DST: variants seen among roughly 807,000 people sequenced by gnomAD.
DST encodes the protein dystonin, also known as bullous pemphigoid antigen.
DST carries 253 observed loss-of-function variants against 875.2 expected under a neutral mutation model. The ratio of observed to expected loss-of-function variants is 0.29; its 90% CI spans 0.26 to 0.32. The LOEUF is 0.32. Among genes scored for constraint, DST ranks in the 10% least tolerant of loss-of-function variants. The pLI, the probability that DST is intolerant of heterozygous loss-of-function variation, is 1.00. For missense variants in DST, 8,287 were observed against 9,111.6 expected, an observed-to-expected ratio of 0.91 and a Z score of 3.68; for synonymous variants, 3,124 against 3,197.1, an observed-to-expected ratio of 0.98 and a Z score of 0.77.
intron 4 of DST, among the ~76,000 whole-genome samples, chr6:56,747,874 C>T (rs1455873397): frequency 1.3e-5 from 2 of 152,054 alleles, no homozygotes; most frequent in African/African-American, 4.8e-5. Flanking sequence ...TTTATAATCA[C>T]TACATATATG....
chr6:56,652,101 G>GC (rs1310970808), intron 10 of DST, among the ~76,000 whole-genome samples: 1 of 152,056 alleles, frequency 6.6e-6, no homozygotes, highest in Non-Finnish European at 1.5e-5. Context: ...GTGTGCATGT[G>GC]CCCCCCTACA....
At chr6:56,622,569 CAAAAAAAA>C (rs61514901) in intron 36 of DST, among the ~76,000 whole-genome samples, 2 of 65,730 alleles carry the variant, frequency 3.0e-5, no homozygotes, top group Admixed American at 2.1e-4. Context: ...AGATCCGTCT[CAAAAAAAA>C]AAAAAAAAAA....
Position 56,632,920 on chromosome 6 carries a change from G to C in DST, c.3739C>G (p.Gln1247Glu), listed in dbSNP as rs1312036954. Residue 1247 changes from glutamine (Q) to glutamate (E), a missense_variant, in exon 28 of 104, where the codon CAA becomes GAA. Physicochemically the swap from Gln to Glu is conservative, Grantham distance 29. This residue lies in a region of DST where 3,138 missense variants were observed against 3,116.6 expected (regional missense o/e 1.01). Transcript: ENST00000680361. Reference protein sequence around the residue: ...SQVFSGSDITQLEKEVNVCKQ... With the variant: ...SQVFSGSDITELEKEVNVCKQ... Reference sequence around the variant, plus strand: ...CATACATTAACCTCCTTTTCCAGTTGTGTTATATCTGAGCCTGAAAAGACT... The same window carrying C: ...CATACATTAACCTCCTTTTCCAGTTCTGTTATATCTGAGCCTGAAAAGACT... The C allele has an allele frequency of 6.2e-7, 1 of 1,613,840 alleles. No individual in the cohort carries two copies. Among genetic ancestry groups the C allele is most frequent in the South Asian group, 1.1e-5 (1 of 91,078 alleles).
At position 56,460,360 on chromosome 6, in the gene DST, T is replaced by C. The variant is rs927122240; in HGVS notation, c.23071-106A>G. ...GGGTGGAAACTCTCTACTATTCCTC[T>C]TTAGGAGGTGAAGGGGGAGAAACTC... On this transcript the variant is annotated intron_variant, in intron 102 of 103. Coordinates refer to ENST00000680361, the MANE Select transcript of DST (RefSeq NM_001374736.1). 14 of 1,209,622 alleles carry C rather than the reference T, an allele frequency of 1.2e-5. No homozygotes were observed. The Admixed American group carries it at 2.6e-4, about 23-fold the overall frequency. 74.9% of individuals were successfully genotyped at this position (1,209,622 alleles called of 1,614,324 possible).
At chr6:56,918,593 A>G (rs1409746392) in intron 2 of DST, among the ~76,000 whole-genome samples, 2 of 152,228 alleles carry the variant, frequency 1.3e-5, no homozygotes, top group Admixed American at 6.5e-5. Flanking sequence ...AGTCCGTAGG[A>G]AAAAGTTTGA....
intron 4 of DST, among the ~76,000 whole-genome samples, chr6:56,848,756 C>T (rs1763360798): frequency 5.9e-5 from 9 of 152,124 alleles, no homozygotes; most frequent in Admixed American, 5.9e-4. Context: ...AATCATAGGC[C>T]AGGTGTGGTG....
At position 56,943,414 on chromosome 6, in the gene DST, T is replaced by C. The variant is rs1226670598; in HGVS notation, c.216+10371A>G. 2.6e-5 allele frequency among the ~76,000 whole-genome samples: 4 copies of C among 151,144 alleles called. No homozygotes were observed. In the South Asian group the frequency reaches 6.2e-4, roughly 24 times the overall value. On this transcript the variant is annotated intron_variant, in intron 2 of 103. Transcript: ENST00000680361. The stretch of plus-strand genomic sequence containing the variant: ...AAAAGTCAGGGATATTTTCAACTCA[T>C]TTTCTTTTTCTTTTTCTTTTTTTTT...
intron 4 of DST, among the ~76,000 whole-genome samples, chr6:56,836,567 G>C (rs1446551870): frequency 6.6e-6 from 1 of 152,062 alleles, no homozygotes; most frequent in African/African-American, 2.4e-5. Context: ...AATAAACAAA[G>C]GGGCCGGGCG....
intron 4 of DST, among the ~76,000 whole-genome samples, chr6:56,847,272 A>T (rs1400902566): frequency 6.6e-6 from 1 of 152,240 alleles, no homozygotes; most frequent in African/African-American, 2.4e-5. Flanking sequence ...GTGAGCTGTG[A>T]TCATGCTAGT....
chr6:56,466,160 G>C lies in DST; in HGVS notation c.22605C>G (p.Ile7535Met), dbSNP rs1252399682. ...GDSQQLRLVR[I>M]LRSTVMVRVG... Reference sequence around the variant, plus strand: ...CACGAACCATCACAGTACTCCGCAGGATCCGGACCAGTCGCAGTTGCTGGG... The same window carrying C: ...CACGAACCATCACAGTACTCCGCAGCATCCGGACCAGTCGCAGTTGCTGGG... The change falls in exon 99 of 104, where the codon ATC (isoleucine) becomes ATG (methionine). Residue 7535 changes from isoleucine (I) to methionine (M), a missense_variant. Around this residue, in one of 10 missense-constraint regions of DST, gnomAD observed 87 missense variants for 209.7 expected, o/e 0.41. Coordinates refer to ENST00000680361, the MANE Select transcript of DST (RefSeq NM_001374736.1). 6.2e-7 allele frequency: 1 copy of C among 1,611,204 alleles called. No homozygotes were observed. The highest frequency in any genetic ancestry group is 8.5e-7 in the Non-Finnish European group (1 of 1,178,620).
chr6:56,460,064 A>C, intron 103 of DST, 67 bp downstream of exon 103: 1 of 1,522,022 alleles, frequency 6.6e-7, no homozygotes, highest in South Asian at 1.3e-5. Flanking sequence ...TGAGGAGGAA[A>C]AGGGACTTTA....
chr6:56,667,263 C>T (rs2099076582), intron 10 of DST, among the ~76,000 whole-genome samples: 1 of 152,152 alleles, frequency 6.6e-6, no homozygotes, highest in South Asian at 2.1e-4. Context: ...AAAATTTGCT[C>T]ATGGTGATAT....
chr6:56,725,730 A>C (rs980958141), intron 5 of DST, among the ~76,000 whole-genome samples: 2 of 152,216 alleles, frequency 1.3e-5, no homozygotes, highest in African/African-American at 4.8e-5. Context: ...CCTGAGAACA[A>C]GACCAGTTCT....
intron 78 of DST, among the ~76,000 whole-genome samples, chr6:56,503,272 C>T (rs998314081): frequency 1.3e-5 from 2 of 151,872 alleles, no homozygotes; most frequent in African/African-American, 4.8e-5. Context: ...TTAAAAATAA[C>T]TAAAAGAGTA....
Position 56,459,273 on chromosome 6 carries a change from G to C in DST, c.23195-6C>G, listed in dbSNP as rs559604901. 1 of 1,610,890 alleles carries C rather than the reference G, an allele frequency of 6.2e-7. No individual in the cohort carries two copies. The highest frequency in any genetic ancestry group is 1.7e-5 in the Admixed American group (1 of 59,602). ...GCTGGGAGTCTTCTTGGAATCTGAG[G>C]AAAGAAGGTAGAGACAGCTCACCCT... is the stretch of plus-strand genomic sequence containing the variant. On this transcript the variant is annotated splice_polypyrimidine_tract_variant and splice_region_variant and intron_variant, in intron 103 of 103. Coordinates refer to ENST00000680361, the MANE Select transcript of DST (RefSeq NM_001374736.1).
intron 32 of DST, among the ~76,000 whole-genome samples, chr6:56,628,733 C>T (rs1426935502): frequency 1.3e-5 from 2 of 152,010 alleles, no homozygotes; most frequent in Non-Finnish European, 2.9e-5. Context: ...AATATAAGCA[C>T]GAAAGTGAAT....
chr6:56,639,757 G>A lies in DST; in HGVS notation c.2636C>T (p.Pro879Leu). ...CTTTTCTGCATAAGTCAGTTTAAGAGGTGCTGTCATTTGAATCTATAACAT... is the reference window on the plus strand; with the variant it reads ...CTTTTCTGCATAAGTCAGTTTAAGAAGTGCTGTCATTTGAATCTATAACAT... ...AKISEIQMTA[P>L]LKLTYAEKLH... The change falls in exon 20 of 104, where the codon CCT (proline) becomes CTT (leucine). Residue 879 changes from proline to leucine, a missense_variant. By Grantham distance (98) the Pro-to-Leu change is moderately conservative (BLOSUM62 -3). This residue lies in a region of DST where 1,160 missense variants were observed against 1,424.3 expected (regional missense o/e 0.81). Coordinates refer to ENST00000680361, the MANE Select transcript of DST (RefSeq NM_001374736.1). The A allele has an allele frequency of 6.2e-7, 1 of 1,613,432 alleles. No homozygotes were observed. The highest frequency in any genetic ancestry group is 8.5e-7 in the Non-Finnish European group (1 of 1,179,718).
At position 56,466,178 on chromosome 6, in the gene DST, T is replaced by C. The variant is rs1180099782; in HGVS notation, c.22587A>G (p.Gln7529=). ...TCCGCAGGATCCGGACCAGTCGCAG[T>C]TGCTGGGAGTCTCCAAACTGTTCAG... ...FLGNQFGDSQ[Q]LRLVRILRST... The change falls in exon 99 of 104, where the codon CAA becomes CAG. Residue 7529 remains glutamine, a synonymous_variant. Transcript: ENST00000680361. 5 of 1,608,394 alleles carry C rather than the reference T, an allele frequency of 3.1e-6. No individual in the cohort carries two copies. The highest frequency in any genetic ancestry group is 4.2e-6 in the Non-Finnish European group (5 of 1,177,158).
In DST at chr6:56,604,700, C is replaced by T; in HGVS notation, c.9928G>A (p.Asp3310Asn). 1 of 1,611,820 alleles carries T rather than the reference C, an allele frequency of 6.2e-7. No homozygotes were observed. Among genetic ancestry groups the T allele is most frequent in the Middle Eastern group, 1.7e-4 (1 of 6,048 alleles). Reference protein sequence around the residue: ...NDNSSNTLNTDYSFLEINNKK... With the variant: ...NDNSSNTLNTNYSFLEINNKK... The stretch of plus-strand genomic sequence containing the variant: ...TTATTAATTTCTAAGAATGAATAGT[C>T]AGTATTTAAAGTGTTACTGGAGTTA... The change falls in exon 40 of 104, where the codon GAC becomes AAC. Residue 3310 changes from aspartate to asparagine, a missense_variant. Transcript: ENST00000680361.
Sources: allele counts gnomAD v4.1 joint callset (sites outside exome capture counted in the v4.1 genomes callset), GRCh38; gene constraint gnomAD v4.1.1; regional missense constraint gnomAD v4.1.1; transcripts MANE v1.5; gene names NCBI Gene and HGNC (gene_info 2026-07-23, HGNC 2026-07-21).